The following IGFBPL1 variants were observed in gnomAD, a reference collection of about 807,000 sequenced individuals.
The protein encoded by IGFBPL1 is insulin-like growth factor-binding protein-like 1.
In IGFBPL1, 20 loss-of-function variants were observed where a neutral mutation model predicts 23.9. That is an observed-to-expected ratio of 0.84 (90% CI 0.59 to 1.22). The LOEUF (loss-of-function observed/expected upper bound fraction) is 1.22. Ranked by LOEUF, IGFBPL1 falls within the 50% of genes most tolerant of loss-of-function variation. The pLI, the probability that IGFBPL1 is intolerant of heterozygous loss-of-function variation, is 0.00. For missense variants in IGFBPL1, 436 were observed against 379.3 expected (o/e 1.15, Z -1.24); for synonymous variants, 184 against 171.8 (o/e 1.07, Z -0.56).
chr9:38,409,768 T>C (rs938415074), intron 4 of IGFBPL1, among the ~76,000 whole-genome samples: 1 of 152,192 alleles, frequency 6.6e-6, no homozygotes, highest in Admixed American at 6.5e-5. Flanking sequence ...TGAATTCCTA[T>C]TTCACAGTTT....
chr9:38,414,521 G>A (rs568731887), intron 1 of IGFBPL1, among the ~76,000 whole-genome samples: 7 of 152,122 alleles, frequency 4.6e-5, no homozygotes, highest in Non-Finnish European at 7.4e-5. Context: ...TCCAGGCTCC[G>A]GCTGCCATCT....
At chr9:38,410,438 G>C (rs7848816) in intron 4 of IGFBPL1, among the ~76,000 whole-genome samples, 2 of 148,314 alleles carry the variant, frequency 1.3e-5, no homozygotes, top group African/African-American at 5.0e-5. Flanking sequence ...AGCCGAGATC[G>C]CACCACTGCA....
chr9:38,424,226 C>A lies in IGFBPL1; in HGVS notation c.199G>T (p.Ala67Ser), dbSNP rs1263019886. The change falls in exon 1 of 5, where the codon GCC becomes TCC. Residue 67 changes from alanine to serine, a missense_variant. Ala to Ser is a moderately conservative substitution (Grantham distance 99). Coordinates refer to ENST00000377694, the MANE Select transcript of IGFBPL1 (RefSeq NM_001007563.3). ...GCGCCCTCGGCTCCCAGGCAGCGGG[C>A]GCAGCAGCCGCACTCGTCGAGCGCC... ...ISALDECGCC[A>S]RCLGAEGASC... 2 of 1,191,864 alleles carry A rather than the reference C, an allele frequency of 1.7e-6. No individual in the cohort carries two copies. Among genetic ancestry groups the A allele is most frequent in the African/African-American group, 1.6e-5 (1 of 62,328 alleles). 73.8% of individuals were successfully genotyped at this position (1,191,864 alleles called of 1,614,324 possible).
At position 38,419,887 on chromosome 9, in the gene IGFBPL1, TC is replaced by T. The variant is rs926617511; in HGVS notation, c.460+4077del. 4.4e-3 allele frequency among the ~76,000 whole-genome samples: 599 copies of T among 137,082 alleles called. 1 individual carries two copies. Among genetic ancestry groups the T allele is most frequent in the African/African-American group, 0.014 (552 of 38,398 alleles). 89.9% of individuals were successfully genotyped at this position (137,082 alleles called of 152,430 possible). ...CCCCTCCTCCTCCTCCTCCTCCTCC[TC>T]CTCCTTCTTCTTCTTCTTTTTAGAC... On this transcript the variant is annotated intron_variant, in intron 1 of 4. Transcript: ENST00000377694.
Position 38,411,405 on chromosome 9 carries a change from T to C in IGFBPL1, c.832A>G (p.Met278Val), listed in dbSNP as rs1370480600. ...AGAACATGTACATTTCTCCATCACA[T>C]GCGGTCATCGGGAGCTGGGAAGTGG... is the stretch of plus-strand genomic sequence containing the variant. ...SFHFPAPDDR[M>V] Residue 278 changes from methionine to valine, a missense_variant, in exon 4 of 5, where the codon ATG (methionine) becomes GTG (valine). Physicochemically the swap from Met to Val is conservative, Grantham distance 21. Transcript: ENST00000377694. The C allele has an allele frequency of 3.7e-6, 6 of 1,612,986 alleles. No homozygotes were observed. The highest frequency in any genetic ancestry group is 5.1e-6 in the Non-Finnish European group (6 of 1,179,636).
chr9:38,408,007 A>G lies in IGFBPL1; in HGVS notation c.*1220T>C, dbSNP rs140241993. Among the ~76,000 whole-genome samples the G allele has an allele frequency of 1.5e-3, 230 of 152,230 alleles. 3 individuals are homozygous for G. The East Asian group carries it at 0.043, about 28-fold the overall frequency. ...GTGAGGTCAAAATGTTTGTAGGTAA[A>G]ATATATTCTACTACAATCTAATTCC... is the stretch of plus-strand genomic sequence containing the variant. On this transcript the variant is annotated 3_prime_UTR_variant, in exon 5 of 5. Transcript: ENST00000377694.
At chr9:38,411,829 G>A (rs746761240) in intron 3 of IGFBPL1, among the ~76,000 whole-genome samples, 1 of 152,150 alleles carries the variant, frequency 6.6e-6, no homozygotes, top group Non-Finnish European at 1.5e-5. Flanking sequence ...TATTAAAGGT[G>A]CAAGGTATAG....
chr9:38,418,037 C>T (rs1330732893), intron 1 of IGFBPL1, among the ~76,000 whole-genome samples: 1 of 152,212 alleles, frequency 6.6e-6, no homozygotes, highest in African/African-American at 2.4e-5. Context: ...TGGTCGCAGG[C>T]CTGCCGTGTT....
chr9:38,414,014 G>A (rs1054267123), intron 2 of IGFBPL1, 80 bp downstream of exon 2: 15 of 752,918 alleles, frequency 2.0e-5, no homozygotes, highest in South Asian at 9.5e-5. Context: ...TACCACTCAC[G>A]TCTGTTTCTC....
intron 3 of IGFBPL1, among the ~76,000 whole-genome samples, chr9:38,412,521 G>A (rs1021771825): frequency 1.3e-5 from 2 of 152,302 alleles, no homozygotes; most frequent in Middle Eastern, 3.4e-3. Flanking sequence ...AGGAGGACTC[G>A]AATGTGCCAC....
chr9:38,413,329 G>C lies in IGFBPL1; in HGVS notation c.595C>G (p.Gln199Glu). ...RKVTKSPEGT[Q>E]ALEELPGDHV... ...TCCCCAGGCAGCTCCTCCAGTGCTT[G>C]GGTGCCCTCAGGGGACTTCGTGACC... Residue 199 changes from glutamine to glutamate, a missense_variant, in exon 3 of 5, where the codon CAA becomes GAA. Transcript: ENST00000377694. 1.2e-6 allele frequency: 2 copies of C among 1,613,642 alleles called. No individual in the cohort carries two copies. The highest frequency in any genetic ancestry group is 2.7e-5 in the African/African-American group (2 of 75,038).
rs1279165664 is a variant in IGFBPL1, at chr9:38,414,193, G to C, written c.471C>G (p.Val157=). The C allele has an allele frequency of 1.3e-6, 2 of 1,598,972 alleles. No homozygotes were observed. Among genetic ancestry groups the C allele is most frequent in the South Asian group, 1.1e-5 (1 of 88,158 alleles). The change falls in exon 2 of 5, where the codon GTC becomes GTG. Residue 157 remains valine, a synonymous_variant. Coordinates refer to ENST00000377694, the MANE Select transcript of IGFBPL1 (RefSeq NM_001007563.3). ...RDGPCEFAPV[V]VVPPRSVHNV... ...TGTGAACACTTCGGGGAGGAACGACGACCACAGGAGCTAGGAGGAGGAGAC... is the reference window on the plus strand; with the variant it reads ...TGTGAACACTTCGGGGAGGAACGACCACCACAGGAGCTAGGAGGAGGAGAC...
At chr9:38,413,999 A>G (rs879149500) in intron 2 of IGFBPL1, 95 bp downstream of exon 2, 2 of 808,608 alleles carry the variant, frequency 2.5e-6, no homozygotes, top group South Asian at 3.0e-5. Context: ...AAAGAAAAAC[A>G]TTTTTACCAC....
At chr9:38,409,697 A>G (rs1051755801) in intron 4 of IGFBPL1, among the ~76,000 whole-genome samples, 5 of 152,254 alleles carry the variant, frequency 3.3e-5, no homozygotes, top group Admixed American at 2.0e-4. Context: ...ACATATCTAT[A>G]TAAAACAAGT....
intron 1 of IGFBPL1, among the ~76,000 whole-genome samples, chr9:38,416,851 AT>A (rs201272409): frequency 3.5e-4 from 51 of 147,406 alleles, no homozygotes; most frequent in Middle Eastern, 3.4e-3. Context: ...ATTAAAAAAA[AT>A]TTTTTTTTTT....
chr9:38,421,306 G>GGAT (rs1338300714), intron 1 of IGFBPL1, among the ~76,000 whole-genome samples: 1 of 120,938 alleles, frequency 8.3e-6, no homozygotes, highest in Admixed American at 8.7e-5. Context: ...AAAAAAAAAA[G>GGAT]GATGCAAAAG....
chr9:38,424,014 G>T lies in IGFBPL1; in HGVS notation c.411C>A (p.Arg137=). ...ALRLRARHTP[R]AHPGHLHKAR... ...CCTTGTGCAGGTGACCGGGGTGCGC[G>T]CGGGGCGTGTGCCGAGCGCGCAGGC... The change falls in exon 1 of 5, where the codon CGC becomes CGA. Residue 137 remains arginine (R), a synonymous_variant. Coordinates refer to ENST00000377694, the MANE Select transcript of IGFBPL1 (RefSeq NM_001007563.3). 1 of 1,409,196 alleles carries T rather than the reference G, an allele frequency of 7.1e-7. No individual in the cohort carries two copies. The highest frequency in any genetic ancestry group is 9.2e-7 in the Non-Finnish European group (1 of 1,092,186). 87.3% of individuals were successfully genotyped at this position (1,409,196 alleles called of 1,614,324 possible).
At chr9:38,411,958 T>G (rs887554781) in intron 3 of IGFBPL1, among the ~76,000 whole-genome samples, 2 of 152,212 alleles carry the variant, frequency 1.3e-5, no homozygotes, top group African/African-American at 4.8e-5. Flanking sequence ...ATAACCTCTT[T>G]TCCCTGTCTT....
rs763668084 is a variant in IGFBPL1 at position 38,413,248 on chromosome 9, C to T, written c.676G>A (p.Ala226Thr). 1.2e-6 allele frequency: 2 copies of T among 1,609,012 alleles called. No homozygotes were observed. Among genetic ancestry groups the T allele is most frequent in the South Asian group, 1.1e-5 (1 of 90,916 alleles). ...TCCTAAACACTCACCAAAATCCAGG[C>T]CGTGGCCTCATGGTCAGAAGGGCCC... The part of the protein sequence containing the change: ...RGGPSDHEAT[A>T]WILINPLRKE... The change falls in exon 3 of 5, where the codon GCC becomes ACC. Residue 226 changes from alanine to threonine, a missense_variant. By Grantham distance (58) the Ala-to-Thr change is moderately conservative. Transcript: ENST00000377694.
Sources: gnomAD v4.1 joint callset for allele counts (sites outside exome capture counted in the v4.1 genomes callset) on GRCh38, gnomAD v4.1.1 for gene constraint, MANE v1.5 for transcripts, NCBI Gene and HGNC (gene_info 2026-07-23, HGNC 2026-07-21) for gene names.